BLK: variants seen among roughly 807,000 people sequenced by gnomAD.
The protein encoded by BLK is BLK proto-oncogene, Src family tyrosine kinase, also known as tyrosine-protein kinase Blk.
Under a neutral mutation model 61.8 loss-of-function variants are expected in BLK, and 64 were observed. The observed-to-expected ratio is 1.03, with a 90% CI of 0.85 to 1.27. BLK has a LOEUF of 1.27. Among genes scored for constraint, BLK ranks in the 50% most tolerant of loss-of-function variants. The pLI is 0.00. For missense variants in BLK, 853 were observed against 660.5 expected, an observed-to-expected ratio of 1.29 and a Z score of -3.19; for synonymous variants, 351 against 272.0, an observed-to-expected ratio of 1.29 and a Z score of -2.86.
At chr8:11,504,841 G>A (rs141071384) in intron 1 of BLK, among the ~76,000 whole-genome samples, 1 of 152,312 alleles carries the variant, frequency 6.6e-6, no homozygotes, top group Non-Finnish European at 1.5e-5. Context: ...TGTGGACTTT[G>A]TTTCAAGGAT....
chr8:11,532,809 A>G (rs1799943478), intron 1 of BLK, among the ~76,000 whole-genome samples: 1 of 152,228 alleles, frequency 6.6e-6, no homozygotes, highest in Admixed American at 6.5e-5. Context: ...AGTGCTGAAT[A>G]TGATTAGTGA....
intron 12 of BLK, among the ~76,000 whole-genome samples, chr8:11,563,506 C>A (rs879358048): frequency 6.6e-6 from 1 of 152,150 alleles, no homozygotes; most frequent in Admixed American, 6.5e-5. Context: ...CAGCCCCAGT[C>A]GAAGGGCTCC....
At chr8:11,519,124 G>A (rs774187127) in intron 1 of BLK, among the ~76,000 whole-genome samples, 2 of 152,142 alleles carry the variant, frequency 1.3e-5, no homozygotes, top group African/African-American at 4.8e-5. Flanking sequence ...TGGGCTCCAC[G>A]GAGCAGGAGC....
At position 11,558,025 on chromosome 8, in the gene BLK, A is replaced by G. The variant is rs1213341068; in HGVS notation, c.1016A>G (p.Asp339Gly). 1 of 1,613,940 alleles carries G rather than the reference A, an allele frequency of 6.2e-7. No individual in the cohort carries two copies. Among genetic ancestry groups the G allele is most frequent in the East Asian group, 2.2e-5 (1 of 44,888 alleles). The change falls in exon 10 of 13, where the codon GAC becomes GGC. Residue 339 changes from aspartate to glycine, a missense_variant. Transcript: ENST00000259089. ...AGATTGTCACTCCCAAGGCTGATTG[A>G]CATGTCGGCGCAGGTTGGTGAAGTA... is the stretch of plus-strand genomic sequence containing the variant. ...GSRLSLPRLI[D>G]MSAQIAEGMA...
chr8:11,557,858 C>G (rs1009126242), intron 9 of BLK, 104 bp from the exon 10 acceptor site: 2 of 967,734 alleles, frequency 2.1e-6, no homozygotes, highest in Admixed American at 1.8e-5. Context: ...GGTGCAAACT[C>G]CCACTTCCCG....
At chr8:11,556,477 T>G in intron 8 of BLK, 181 bp from the exon 9 acceptor site, 2 of 714,944 alleles carry the variant, frequency 2.8e-6, no homozygotes, top group Non-Finnish European at 4.9e-6. Context: ...TGAGGCCCCA[T>G]ATAGAAGGGA....
chr8:11,495,477 A>AGG (rs1798330333), intron 1 of BLK, among the ~76,000 whole-genome samples: 1 of 152,194 alleles, frequency 6.6e-6, no homozygotes, highest in Non-Finnish European at 1.5e-5. Flanking sequence ...CAAGGGACCA[A>AGG]GCTTAGCATC....
At chr8:11,544,340 T>G (rs931578107) in intron 2 of BLK, among the ~76,000 whole-genome samples, 1 of 152,138 alleles carries the variant, frequency 6.6e-6, no homozygotes, top group Non-Finnish European at 1.5e-5. Context: ...TTTGGGGCAG[T>G]TGGGAGCCTT....
intron 4 of BLK, 37 bp downstream of exon 4, chr8:11,548,162 A>T (rs756421117): frequency 1.3e-6 from 2 of 1,497,086 alleles, no homozygotes; most frequent in Admixed American, 1.7e-5. Context: ...TCCCTGCAGG[A>T]CCCCCCTCCC....
intron 4 of BLK, 48 bp from the exon 5 acceptor site, chr8:11,548,961 AGCTGCCCAGTGACGG>A (rs1800776021): frequency 7.0e-7 from 1 of 1,431,138 alleles, no homozygotes; most frequent in African/African-American, 1.4e-5. Flanking sequence ...GAGGCCTGAG[AGCTGCCCAGTGACGG>A]GCCTACAGGG....
At chr8:11,544,689 G>A (rs1246534117) in intron 2 of BLK, among the ~76,000 whole-genome samples, 1 of 152,078 alleles carries the variant, frequency 6.6e-6, no homozygotes, top group Non-Finnish European at 1.5e-5. Flanking sequence ...ATTCCACTAT[G>A]TAGAGTCACC....
chr8:11,550,089 G>A, intron 5 of BLK, 70 bp from the exon 6 acceptor site: 3 of 1,360,494 alleles, frequency 2.2e-6, no homozygotes, highest in East Asian at 4.6e-5. Context: ...CAGTGCAGGA[G>A]GGAGGCTGTG....
At position 11,563,682 on chromosome 8, in the gene BLK, C is replaced by T. The variant is rs1210448973; in HGVS notation, c.1313-221C>T. On this transcript the variant is annotated intron_variant, in intron 12 of 12. Coordinates refer to ENST00000259089, the MANE Select transcript of BLK (RefSeq NM_001715.3). ...ACCTGCCCCGTACTCAGGAGAAAAT[C>T]TACAGCCTCATTTCTAGGCATTCCC... Among the ~76,000 whole-genome samples, 3 of 152,248 alleles carry T rather than the reference C, an allele frequency of 2.0e-5. No homozygotes were observed. In the East Asian group the frequency reaches 5.8e-4, roughly 29 times the overall value.
At chr8:11,531,148 T>C (rs1321890049) in intron 1 of BLK, among the ~76,000 whole-genome samples, 1 of 152,232 alleles carries the variant, frequency 6.6e-6, no homozygotes, top group East Asian at 1.9e-4. Context: ...TCTTCTCTGT[T>C]CAACTGTTTG....
At chr8:11,506,556 C>T (rs144403179) in intron 1 of BLK, among the ~76,000 whole-genome samples, 8 of 152,264 alleles carry the variant, frequency 5.3e-5, no homozygotes, top group African/African-American at 1.9e-4. Context: ...TGTGCAAAAA[C>T]AGAAAAGCTA....
chr8:11,563,129 A>G lies in BLK; in HGVS notation c.1312+19A>G. ...TACCCAGGTAGGTGGCTCACCCCGC[A>G]GCTCGCGGCTCCCTGCTTTCCCGGC... On this transcript the variant is annotated intron_variant, in intron 12 of 12. Transcript: ENST00000259089. 1 of 1,613,372 alleles carries G rather than the reference A, an allele frequency of 6.2e-7. No homozygotes were observed. The highest frequency in any genetic ancestry group is 8.5e-7 in the Non-Finnish European group (1 of 1,179,936).
chr8:11,559,823 T>C (rs1801407514), intron 10 of BLK: 1 of 456,214 alleles, frequency 2.2e-6, no homozygotes, highest in African/African-American at 2.0e-5. Flanking sequence ...TCAAGCGTAA[T>C]GTCATTTCTA....
At chr8:11,557,361 A>G (rs777535141) in intron 9 of BLK, among the ~76,000 whole-genome samples, 16 of 152,156 alleles carry the variant, frequency 1.1e-4, no homozygotes, top group Non-Finnish European at 2.1e-4. Context: ...ATAGGATCCT[A>G]ACATGCCCAT....
At chr8:11,525,999 C>A (rs1009961062) in intron 1 of BLK, among the ~76,000 whole-genome samples, 3 of 152,192 alleles carry the variant, frequency 2.0e-5, no homozygotes, top group African/African-American at 7.2e-5. Context: ...TCTCGAACTC[C>A]TATCCTCAGG....
Sources: allele counts gnomAD v4.1 joint callset (sites outside exome capture counted in the v4.1 genomes callset), GRCh38; gene constraint gnomAD v4.1.1; transcripts MANE v1.5; gene names NCBI Gene and HGNC (gene_info 2026-07-23, HGNC 2026-07-21).